Variants in SLC35D4 observed in about 807,000 individuals in gnomAD.
SLC35D4 encodes the protein UDP-N-acetylglucosamine transporter SLC35D4.
the SLC35D4 span, among the ~76,000 whole-genome samples, chr18:23,402,946 A>C: frequency 5.3e-5 from 8 of 152,124 alleles, no homozygotes; most frequent in Non-Finnish European, 1.2e-4. Context: ...CTCTTACTAA[A>C]AATACAAAAA....
At chr18:23,436,168 C>T in the SLC35D4 span, among the ~76,000 whole-genome samples, 1 of 151,360 alleles carries the variant, frequency 6.6e-6, no homozygotes, top group African/African-American at 2.4e-5. Context: ...GCTGGAATTA[C>T]AGGCGCCTGC....
chr18:23,326,773 G>A, the SLC35D4 span, among the ~76,000 whole-genome samples: 3 of 152,100 alleles, frequency 2.0e-5, no homozygotes, highest in Admixed American at 6.6e-5. Flanking sequence ...CACATTGCAC[G>A]TATTCTAAAA....
the SLC35D4 span, among the ~76,000 whole-genome samples, chr18:23,239,352 C>T: frequency 2.0e-5 from 3 of 152,188 alleles, no homozygotes; most frequent in Non-Finnish European, 4.4e-5. Context: ...TTTTCCTGGT[C>T]GGCTCCTGGA....
chr18:23,424,854 T>G, the SLC35D4 span, among the ~76,000 whole-genome samples: 1 of 152,118 alleles, frequency 6.6e-6, no homozygotes, highest in Non-Finnish European at 1.5e-5. Flanking sequence ...AGCCTGCCTC[T>G]ACAAAAACAA....
the SLC35D4 span, among the ~76,000 whole-genome samples, chr18:23,400,127 T>C: frequency 6.6e-6 from 1 of 152,194 alleles, no homozygotes; most frequent in Non-Finnish European, 1.5e-5. Context: ...TGGGTGGCCA[T>C]AGGCTGGCTT....
chr18:23,336,728 A>T, the SLC35D4 span, among the ~76,000 whole-genome samples: 1 of 152,230 alleles, frequency 6.6e-6, no homozygotes, highest in Non-Finnish European at 1.5e-5. Flanking sequence ...TAAGATGGGA[A>T]GAACCTCAAA....
At chr18:23,281,391 G>A in the SLC35D4 span, among the ~76,000 whole-genome samples, 1 of 152,078 alleles carries the variant, frequency 6.6e-6, no homozygotes, top group Non-Finnish European at 1.5e-5. Flanking sequence ...GGCACAAACA[G>A]AGCTCACTGC....
At chr18:23,386,354 G>A in the SLC35D4 span, among the ~76,000 whole-genome samples, 4 of 152,060 alleles carry the variant, frequency 2.6e-5, no homozygotes, top group African/African-American at 7.2e-5. Context: ...CAGAGAAGGG[G>A]CAATGTGACC....
chr18:23,270,109 G>GAAA, the SLC35D4 span, among the ~76,000 whole-genome samples: 2 of 152,168 alleles, frequency 1.3e-5, no homozygotes, highest in Non-Finnish European at 2.9e-5. Context: ...GGCCTAGGAG[G>GAAA]AAAAAATGGT....
chr18:23,376,729 A>AC, the SLC35D4 span: 3 of 453,282 alleles, frequency 6.6e-6, no homozygotes, highest in Non-Finnish European at 1.3e-5. Flanking sequence ...ATCAGAGATC[A>AC]CCCCAAACAG....
chr18:23,413,984 CG>C, the SLC35D4 span, among the ~76,000 whole-genome samples: 1 of 146,188 alleles, frequency 6.8e-6, no homozygotes, highest in Admixed American at 6.9e-5. Context: ...GGGCTGGGCG[CG>C]GTGGCTCACG....
chr18:23,244,256 T>C, the SLC35D4 span, among the ~76,000 whole-genome samples: 1 of 152,332 alleles, frequency 6.6e-6, no homozygotes, highest in Admixed American at 6.5e-5. Flanking sequence ...TGACAAATAT[T>C]TGACACTGAA....
At chr18:23,337,397 C>A in the SLC35D4 span, among the ~76,000 whole-genome samples, 1 of 151,848 alleles carries the variant, frequency 6.6e-6, no homozygotes, top group South Asian at 2.1e-4. Context: ...ATGGTGTGAA[C>A]CCAGGAGGCG....
chr18:23,359,113 G>A, the SLC35D4 span, among the ~76,000 whole-genome samples: 3 of 152,192 alleles, frequency 2.0e-5, no homozygotes, highest in African/African-American at 4.8e-5. Flanking sequence ...AAGGCTGGGC[G>A]CGGTGGCTGA....
chr18:23,347,498 C>G, the SLC35D4 span, among the ~76,000 whole-genome samples: 584 of 152,246 alleles, frequency 3.8e-3, 6 homozygotes, highest in African/African-American at 0.013. Flanking sequence ...GATCACGGCT[C>G]ACTGCATCCT....
the SLC35D4 span, among the ~76,000 whole-genome samples, chr18:23,367,319 C>T: frequency 6.6e-6 from 1 of 152,192 alleles, no homozygotes; most frequent in African/African-American, 2.4e-5. Flanking sequence ...AAAAAATTCC[C>T]TCCGATACTT....
At chr18:23,366,031 T>C in the SLC35D4 span, among the ~76,000 whole-genome samples, 1 of 152,218 alleles carries the variant, frequency 6.6e-6, no homozygotes, top group African/African-American at 2.4e-5. Context: ...TAGCTTGCAA[T>C]GTAAAAGCTA....
the SLC35D4 span, among the ~76,000 whole-genome samples, chr18:23,412,917 G>A: frequency 2.0e-5 from 3 of 152,228 alleles, no homozygotes; most frequent in Non-Finnish European, 4.4e-5. Context: ...GAATAAGGCA[G>A]TCTGAGTCCC....
chr18:23,269,328 C>T, the SLC35D4 span, among the ~76,000 whole-genome samples: 6 of 152,210 alleles, frequency 3.9e-5, no homozygotes, highest in African/African-American at 1.4e-4. Context: ...TTTCCCTCTG[C>T]ACTTCTCCTT....
Sources: gnomAD v4.1 joint callset for allele counts (sites outside exome capture counted in the v4.1 genomes callset) on GRCh38, gnomAD v4.1.1 for gene constraint, MANE v1.5 for transcripts, NCBI Gene and HGNC (gene_info 2026-07-23, HGNC 2026-07-21) for gene names.